FEM1B: variants seen among roughly 807,000 people sequenced by gnomAD.
FEM1B encodes fem-1 homolog B.
In FEM1B, 10 loss-of-function variants were observed where a neutral mutation model predicts 38.6. The observed-to-expected ratio is 0.26, with a 90% confidence interval of 0.16 to 0.44. The LOEUF (loss-of-function observed/expected upper bound fraction) is 0.44. Among genes scored for constraint, FEM1B ranks in the 20% least tolerant of loss-of-function variants. The pLI is 1.00. For synonymous variants in FEM1B, 288 were observed against 288.0 expected (o/e 1.00, Z 0.00); for missense variants, 471 against 786.7 (o/e 0.60, Z 4.80).
At chr15:68,285,863 A>T (rs1337130883) in intron 1 of FEM1B, among the ~76,000 whole-genome samples, 1 of 150,322 alleles carries the variant, frequency 6.7e-6, no homozygotes, top group Non-Finnish European at 1.5e-5. Flanking sequence ...ATGTTTTTTG[A>T]TGAATGGAAG....
Position 68,291,301 on chromosome 15 carries a change from C to T in FEM1B, c.*59C>T. ...CTAAAAAGTAAAGGACTTTTAATCACAGACAGTAGAATTATGTGTTCATAA... is the reference window on the plus strand; with the variant it reads ...CTAAAAAGTAAAGGACTTTTAATCATAGACAGTAGAATTATGTGTTCATAA... On this transcript the variant is annotated 3_prime_UTR_variant, in exon 2 of 2. Coordinates refer to ENST00000306917, the MANE Select transcript of FEM1B (RefSeq NM_015322.5). This position sits in a 1 kb window ranked among gnomAD's most constrained non-coding sequence, Gnocchi z 6.9. The T allele has an allele frequency of 3.9e-6, 5 of 1,278,336 alleles. No homozygotes were observed. Among genetic ancestry groups the T allele is most frequent in the Non-Finnish European group, 5.4e-6 (5 of 918,502 alleles). 79.2% of individuals were successfully genotyped at this position (1,278,336 alleles called of 1,614,324 possible). A position where few individuals can be genotyped will look rare whatever the true frequency, so the allele number is the denominator to read the frequency against.
intron 1 of FEM1B, among the ~76,000 whole-genome samples, chr15:68,283,062 G>A (rs1414834773): frequency 2.0e-5 from 3 of 151,916 alleles, no homozygotes; most frequent in Non-Finnish European, 4.4e-5. Context: ...TGTAGCTCAA[G>A]GGAAAAAAAT....
At position 68,293,828 on chromosome 15, in the gene FEM1B, G is replaced by T. The variant is rs978572909; in HGVS notation, c.*2586G>T. ...ATTTTTTTTTAAAAAAGGAAAATAG[G>T]TAAGAAAATGATAGTTCTATATCTC... On this transcript the variant is annotated 3_prime_UTR_variant, in exon 2 of 2. Transcript: ENST00000306917. The surrounding 1 kb of genome is among the most constrained non-coding windows in gnomAD (Gnocchi z 5.8). The T allele has an allele frequency of 1.3e-5, 2 of 152,044 alleles. No individual in the cohort carries two copies. The highest frequency in any genetic ancestry group is 2.9e-5 in the Non-Finnish European group (2 of 67,990). 9.4% of individuals were successfully genotyped at this position (152,044 alleles called of 1,614,324 possible). A position where few individuals can be genotyped will look rare whatever the true frequency, so the allele number is the denominator to read the frequency against.
rs1892761693 is a variant in FEM1B, at chr15:68,284,417, C to A, written c.249-5190C>A. On this transcript the variant is annotated intron_variant, in intron 1 of 1. Coordinates refer to ENST00000306917, the MANE Select transcript of FEM1B (RefSeq NM_015322.5). The surrounding 1 kb of genome is among the most constrained non-coding windows in gnomAD (Gnocchi z 4.4). ...TTGAAATTACTTGAAATTGAAATTACTTGAAATGAAAGTATTTGGTATAAA... is the reference window on the plus strand; with the variant it reads ...TTGAAATTACTTGAAATTGAAATTAATTGAAATGAAAGTATTTGGTATAAA... Among the ~76,000 whole-genome samples, 1 of 151,900 alleles carries A rather than the reference C, an allele frequency of 6.6e-6. No individual in the cohort carries two copies. Among genetic ancestry groups the A allele is most frequent in the Non-Finnish European group, 1.5e-5 (1 of 68,020 alleles).
chr15:68,278,325 G>A lies in FEM1B; in HGVS notation c.-93G>A, dbSNP rs1300555311. On this transcript the variant is annotated 5_prime_UTR_variant, in exon 1 of 2. Transcript: ENST00000306917. The surrounding 1 kb of genome is among the most constrained non-coding windows in gnomAD (Gnocchi z 5.7). Reference sequence around the variant, plus strand: ...GCGCCCTGTTGAATGGGCTGTGAGGGCCCAGGTTTAAAGCGCTGGCGAACG... The same window carrying A: ...GCGCCCTGTTGAATGGGCTGTGAGGACCCAGGTTTAAAGCGCTGGCGAACG... 1.4e-6 allele frequency: 2 copies of A among 1,476,368 alleles called. No homozygotes were observed. Among genetic ancestry groups the A allele is most frequent in the Non-Finnish European group, 1.8e-6 (2 of 1,103,438 alleles). 91.5% of individuals were successfully genotyped at this position (1,476,368 alleles called of 1,614,324 possible). A position where few individuals can be genotyped will look rare whatever the true frequency, so the allele number is the denominator to read the frequency against.
rs1282223589 is a variant in FEM1B, at chr15:68,289,525, G to A, written c.249-82G>A. ...TAATGTTCTGGAGAGTGAGGTCTTGGTCGGTGGGAGTGAATACATCCCTTA... is the reference window on the plus strand; with the variant it reads ...TAATGTTCTGGAGAGTGAGGTCTTGATCGGTGGGAGTGAATACATCCCTTA... On this transcript the variant is annotated intron_variant, in intron 1 of 1. Coordinates refer to ENST00000306917, the MANE Select transcript of FEM1B (RefSeq NM_015322.5). The surrounding 1 kb of genome is among the most constrained non-coding windows in gnomAD (Gnocchi z 6.9). 4 of 932,364 alleles carry A rather than the reference G, an allele frequency of 4.3e-6. No individual in the cohort carries two copies. In the African/African-American group the frequency reaches 4.9e-5, roughly 11 times the overall value. 57.8% of individuals were successfully genotyped at this position (932,364 alleles called of 1,614,324 possible).
In FEM1B at chr15:68,288,174, G is replaced by C. The variant is rs1892809872; in HGVS notation, c.249-1433G>C. Among the ~76,000 whole-genome samples the C allele has an allele frequency of 1.3e-5, 2 of 152,154 alleles. No individual in the cohort carries two copies. Among genetic ancestry groups the C allele is most frequent in the South Asian group, 4.1e-4 (2 of 4,824 alleles). ...TCCTTAATTTCATTCACAAGTGGAGGAGCCCTCATGACCTAATCACCTCTT... is the reference window on the plus strand; with the variant it reads ...TCCTTAATTTCATTCACAAGTGGAGCAGCCCTCATGACCTAATCACCTCTT... On this transcript the variant is annotated intron_variant, in intron 1 of 1. Coordinates refer to ENST00000306917, the MANE Select transcript of FEM1B (RefSeq NM_015322.5). This position sits in a 1 kb window ranked among gnomAD's most constrained non-coding sequence, Gnocchi z 4.6.
Position 68,278,164 on chromosome 15 carries a change from G to C in FEM1B, c.-254G>C, listed in dbSNP as rs1031480534. Reference sequence around the variant, plus strand: ...CCCCTCGGTCCAGGGCCGGCGCCTGGGACCTGGCGGGCGGCCCTGACCGCC... The same window carrying C: ...CCCCTCGGTCCAGGGCCGGCGCCTGCGACCTGGCGGGCGGCCCTGACCGCC... On this transcript the variant is annotated 5_prime_UTR_variant, in exon 1 of 2. Coordinates refer to ENST00000306917, the MANE Select transcript of FEM1B (RefSeq NM_015322.5). This position sits in a 1 kb window ranked among gnomAD's most constrained non-coding sequence, Gnocchi z 5.7. The C allele has an allele frequency of 6.7e-6, 3 of 445,608 alleles. No homozygotes were observed. Among genetic ancestry groups the C allele is most frequent in the Non-Finnish European group, 1.2e-5 (3 of 251,484 alleles). 27.6% of individuals were successfully genotyped at this position (445,608 alleles called of 1,614,324 possible).
At chr15:68,287,932 C>T (rs954940318) in intron 1 of FEM1B, among the ~76,000 whole-genome samples, 1 of 148,798 alleles carries the variant, frequency 6.7e-6, no homozygotes, top group South Asian at 2.1e-4. Context: ...CTCCCAGGTT[C>T]AAGCAATTCT....
chr15:68,294,888 CTG>C lies in FEM1B; in HGVS notation c.*3652_*3653del, dbSNP rs1019633052. The C allele has an allele frequency of 6.6e-6, 1 of 152,078 alleles. No homozygotes were observed. Among genetic ancestry groups the C allele is most frequent in the African/African-American group, 2.4e-5 (1 of 41,358 alleles). 9.4% of individuals were successfully genotyped at this position (152,078 alleles called of 1,614,324 possible). On this transcript the variant is annotated 3_prime_UTR_variant, in exon 2 of 2. Transcript: ENST00000306917. The surrounding 1 kb of genome is among the most constrained non-coding windows in gnomAD (Gnocchi z 4.4). ...ATATTTTTAGTCCAGAGGTTTTAAG[CTG>C]TGTGTCCATTCCTACTCTGAAAATG...
In FEM1B at chr15:68,278,526, G is replaced by A. The variant is rs199722163; in HGVS notation, c.109G>A (p.Gly37Ser). 1.0e-4 allele frequency: 165 copies of A among 1,613,986 alleles called. No individual in the cohort carries two copies. The highest frequency in any genetic ancestry group is 1.4e-4 in the Non-Finnish European group (162 of 1,180,038). The change falls in exon 1 of 2, where the codon GGC becomes AGC. Residue 37 changes from glycine (G) to serine (S), a missense_variant. Physicochemically the swap from Gly to Ser is moderately conservative, Grantham distance 56. This residue lies in a region of FEM1B where 91 missense variants were observed against 169.6 expected (regional missense o/e 0.54). Transcript: ENST00000306917. This position sits in a 1 kb window ranked among gnomAD's most constrained non-coding sequence, Gnocchi z 5.7. The part of the protein sequence containing the change: ...RSESDIRYLL[G>S]YVSQQGGQRS... ...TGAAAGCGACATCCGCTATCTGCTTGGCTATGTCAGCCAGCAGGGAGGGCA... is the reference window on the plus strand; with the variant it reads ...TGAAAGCGACATCCGCTATCTGCTTAGCTATGTCAGCCAGCAGGGAGGGCA...
Position 68,288,209 on chromosome 15 carries a change from A to C in FEM1B, c.249-1398A>C, listed in dbSNP as rs974802709. ...GACCTAATCACCTCTTCAAGACATC[A>C]CCTCTTAATGCTATTCACGTTTGGC... is the stretch of plus-strand genomic sequence containing the variant. On this transcript the variant is annotated intron_variant, in intron 1 of 1. Transcript: ENST00000306917. This position sits in a 1 kb window ranked among gnomAD's most constrained non-coding sequence, Gnocchi z 4.6. Among the ~76,000 whole-genome samples, 1 of 151,940 alleles carries C rather than the reference A, an allele frequency of 6.6e-6. No individual in the cohort carries two copies. The highest frequency in any genetic ancestry group is 1.5e-5 in the Non-Finnish European group (1 of 67,996).
At position 68,294,231 on chromosome 15, in the gene FEM1B, G is replaced by C. The variant is rs1404950463; in HGVS notation, c.*2989G>C. The C allele has an allele frequency of 6.6e-6, 1 of 152,146 alleles. No individual in the cohort carries two copies. Among genetic ancestry groups the C allele is most frequent in the Admixed American group, 6.5e-5 (1 of 15,278 alleles). 9.4% of individuals were successfully genotyped at this position (152,146 alleles called of 1,614,324 possible). On this transcript the variant is annotated 3_prime_UTR_variant, in exon 2 of 2. Coordinates refer to ENST00000306917, the MANE Select transcript of FEM1B (RefSeq NM_015322.5). This position sits in a 1 kb window ranked among gnomAD's most constrained non-coding sequence, Gnocchi z 4.4. ...AACATAGCTTTTTCAGTCCACCCTG[G>C]TTGCTCTAGTAGCCCACAGCCCAAT...
chr15:68,283,187 A>C (rs1892746320), intron 1 of FEM1B, among the ~76,000 whole-genome samples: 1 of 152,156 alleles, frequency 6.6e-6, no homozygotes, highest in South Asian at 2.1e-4. Context: ...GATTCTGAGA[A>C]GTTTGAGATC....
At position 68,281,831 on chromosome 15, in the gene FEM1B, G is replaced by A. The variant is rs1027642038; in HGVS notation, c.248+3166G>A. On this transcript the variant is annotated intron_variant, in intron 1 of 1. Coordinates refer to ENST00000306917, the MANE Select transcript of FEM1B (RefSeq NM_015322.5). This position sits in a 1 kb window ranked among gnomAD's most constrained non-coding sequence, Gnocchi z 5.1. Reference sequence around the variant, plus strand: ...CGGTTTCACCGTGTTAGCCAGGATGGTCTCGATCTCCTGACCTCGTGATCC... The same window carrying A: ...CGGTTTCACCGTGTTAGCCAGGATGATCTCGATCTCCTGACCTCGTGATCC... Among the ~76,000 whole-genome samples, 14 of 152,304 alleles carry A rather than the reference G, an allele frequency of 9.2e-5. No homozygotes were observed. The highest frequency in any genetic ancestry group is 3.4e-4 in the African/African-American group (14 of 41,562).
Position 68,290,975 on chromosome 15 carries a change from C to T in FEM1B, c.1617C>T (p.Ile539=), listed in dbSNP as rs761833966. 138 of 1,614,060 alleles carry T rather than the reference C, an allele frequency of 8.5e-5. No individual in the cohort carries two copies. The highest frequency in any genetic ancestry group is 1.1e-4 in the Non-Finnish European group (125 of 1,180,028). ...DNEGNSALHI[I]VQYNRPISDF... ...AGGGAAACAGTGCCCTTCATATTAT[C>T]GTTCAGTACAACAGGCCCATCAGTG... The change falls in exon 2 of 2, where the codon ATC becomes ATT. Residue 539 remains isoleucine, a synonymous_variant. Transcript: ENST00000306917. The surrounding 1 kb of genome is among the most constrained non-coding windows in gnomAD (Gnocchi z 9.7).
intron 1 of FEM1B, among the ~76,000 whole-genome samples, chr15:68,283,203 A>T (rs577325208): frequency 6.6e-6 from 1 of 152,242 alleles, no homozygotes; most frequent in African/African-American, 2.4e-5. Context: ...AGATCAGAAA[A>T]ATATTTTAAT....
In FEM1B at chr15:68,290,931, G is replaced by A; in HGVS notation, c.1573G>A (p.Val525Met). Residue 525 changes from valine to methionine, a missense_variant, in exon 2 of 2, where the codon GTG (valine) becomes ATG (methionine). Physicochemically the swap from Val to Met is conservative, Grantham distance 21. This residue lies in a region of FEM1B where 380 missense variants were observed against 599.6 expected (regional missense o/e 0.63). Transcript: ENST00000306917. The surrounding 1 kb of genome is among the most constrained non-coding windows in gnomAD (Gnocchi z 9.7). ...GCTCCTGCTGGACTGTGGTGCTGAG[G>A]TGAATGCCGTGGACAATGAGGGAAA... Reference protein sequence around the residue: ...TKLLLDCGAEVNAVDNEGNSA... With the variant: ...TKLLLDCGAEMNAVDNEGNSA... 6.2e-7 allele frequency: 1 copy of A among 1,614,162 alleles called. No individual in the cohort carries two copies. The highest frequency in any genetic ancestry group is 8.5e-7 in the Non-Finnish European group (1 of 1,180,012).
At position 68,294,978 on chromosome 15, in the gene FEM1B, C is replaced by T. The variant is rs968876183; in HGVS notation, c.*3736C>T. 1 of 152,172 alleles carries T rather than the reference C, an allele frequency of 6.6e-6. No individual in the cohort carries two copies. Among genetic ancestry groups the T allele is most frequent in the African/African-American group, 2.4e-5 (1 of 41,438 alleles). 9.4% of individuals were successfully genotyped at this position (152,172 alleles called of 1,614,324 possible). A position where few individuals can be genotyped will look rare whatever the true frequency, so the allele number is the denominator to read the frequency against. ...AAACTCCTATGTGTTTATCACATTG[C>T]AGGGCTTTCTTATGTATTTCTGGCA... On this transcript the variant is annotated 3_prime_UTR_variant, in exon 2 of 2. Transcript: ENST00000306917. This position sits in a 1 kb window ranked among gnomAD's most constrained non-coding sequence, Gnocchi z 4.4.
Sources: allele counts gnomAD v4.1 joint callset (sites outside exome capture counted in the v4.1 genomes callset), GRCh38; gene constraint gnomAD v4.1.1; regional missense constraint gnomAD v4.1.1; non-coding constraint Gnocchi (gnomAD v3.1); transcripts MANE v1.5; gene names NCBI Gene and HGNC (gene_info 2026-07-23, HGNC 2026-07-21).